The following OBI1 variants were observed in gnomAD, a reference collection of about 807,000 sequenced individuals.
OBI1 encodes ORC ubiquitin ligase 1, also known as ring finger protein 219.
Under a neutral mutation model 62.4 loss-of-function variants are expected in OBI1, and 59 were observed. That is an observed-to-expected ratio of 0.95 (90% confidence interval 0.77 to 1.17). The LOEUF (loss-of-function observed/expected upper bound fraction) is 1.17. Ranked by LOEUF, OBI1 falls within the 50% of genes most tolerant of loss-of-function variation. The pLI, the probability that OBI1 is intolerant of heterozygous loss-of-function variation, is 0.00. For synonymous variants in OBI1, 302 were observed against 292.8 expected (o/e 1.03, Z -0.32); for missense variants, 875 against 830.9 (o/e 1.05, Z -0.65).
Position 78,616,311 on chromosome 13 carries a change from C to A in OBI1, c.1450G>T (p.Glu484Ter). Residue 484 changes from glutamate (E) to a stop codon, truncating the protein, a stop_gained, in exon 6 of 6, where the codon GAG (glutamate) becomes TAG (stop). Transcript: ENST00000282003. LOFTEE classifies it high-confidence loss of function. ...ACAGAATTTGCTATCGTGTTCCCCT[C>A]TGAACTTTCAAAATCTAAGTTTTGG... is the stretch of plus-strand genomic sequence containing the variant. ...YAQNLDFESS[E>*]GNTIANSVGE... The A allele has an allele frequency of 6.2e-7, 1 of 1,614,114 alleles. No homozygotes were observed. Among genetic ancestry groups the A allele is most frequent in the Non-Finnish European group, 8.5e-7 (1 of 1,179,962 alleles).
At position 78,656,792 on chromosome 13, in the gene OBI1, A is replaced by ATTTT. The variant is rs869148028; in HGVS notation, c.72+2253_72+2256dup. Among the ~76,000 whole-genome samples the ATTTT allele has an allele frequency of 3.6e-3, 244 of 67,166 alleles. 1 individual carries two copies. Among genetic ancestry groups the ATTTT allele is most frequent in the African/African-American group, 0.014 (214 of 15,312 alleles). 44.1% of individuals were successfully genotyped at this position (67,166 alleles called of 152,430 possible). On this transcript the variant is annotated intron_variant, in intron 1 of 5. Transcript: ENST00000282003. ...ATTAATTAATTTTCTTTTATTTTTA[A>ATTTT]TTTTTTTTTTTTTTTTTTTTTTGAG...
intron 5 of OBI1, among the ~76,000 whole-genome samples, chr13:78,621,978 A>G (rs554519827): frequency 1.1e-3 from 161 of 152,360 alleles, no homozygotes; most frequent in Non-Finnish European, 2.0e-3. Flanking sequence ...TCACAAAAAA[A>G]CCACGAATTC....
At chr13:78,650,153 A>G (rs956773762) in intron 1 of OBI1, among the ~76,000 whole-genome samples, 5 of 152,228 alleles carry the variant, frequency 3.3e-5, no homozygotes, top group African/African-American at 9.6e-5. Flanking sequence ...GGAAGGAAGT[A>G]GATGAGTAGT....
At chr13:78,647,333 T>C (rs922081290) in intron 1 of OBI1, among the ~76,000 whole-genome samples, 3 of 152,242 alleles carry the variant, frequency 2.0e-5, no homozygotes, top group African/African-American at 7.2e-5. Flanking sequence ...AAAACCCTAC[T>C]GTACATTTGT....
chr13:78,634,394 A>C, intron 5 of OBI1, among the ~76,000 whole-genome samples: 1 of 151,946 alleles, frequency 6.6e-6, no homozygotes, highest in Non-Finnish European at 1.5e-5. Context: ...TCCCGGACTC[A>C]AGTGATTCTC....
intron 1 of OBI1, among the ~76,000 whole-genome samples, chr13:78,653,364 C>G (rs755596250): frequency 6.6e-6 from 1 of 152,164 alleles, no homozygotes; most frequent in African/African-American, 2.4e-5. Context: ...CAAAATCTAC[C>G]TCCACCTAGT....
In OBI1 at chr13:78,617,115, T is replaced by C; in HGVS notation, c.646A>G (p.Arg216Gly). 1.3e-6 allele frequency: 2 copies of C among 1,546,118 alleles called. No homozygotes were observed. The highest frequency in any genetic ancestry group is 1.7e-6 in the Non-Finnish European group (2 of 1,151,162). The change falls in exon 6 of 6, where the codon AGG becomes GGG. Residue 216 changes from arginine (R) to glycine (G), a missense_variant. Coordinates refer to ENST00000282003, the MANE Select transcript of OBI1 (RefSeq NM_024546.4). Reference protein sequence around the residue: ...VDNRSPQKFGRFAVAALQSKV... With the variant: ...VDNRSPQKFGGFAVAALQSKV... ...GACTGAAGAGCAGCAACTGCAAACC[T>C]TCCAAACCTACAAAGAATGGAAAGA...
rs1276167830 is a variant in OBI1, at chr13:78,616,106, T to C, written c.1655A>G (p.Lys552Arg). 14 of 1,614,060 alleles carry C rather than the reference T, an allele frequency of 8.7e-6. No homozygotes were observed. The highest frequency in any genetic ancestry group is 1.3e-5 in the African/African-American group (1 of 74,942). The change falls in exon 6 of 6, where the codon AAG (lysine) becomes AGG (arginine). Residue 552 changes from lysine to arginine, a missense_variant. Lys to Arg is a conservative substitution (Grantham distance 26). Coordinates refer to ENST00000282003, the MANE Select transcript of OBI1 (RefSeq NM_024546.4). Reference protein sequence around the residue: ...DSMMSESDNSKSPCNNGFKSL... With the variant: ...DSMMSESDNSRSPCNNGFKSL... The stretch of plus-strand genomic sequence containing the variant: ...CTTAAAACCGTTATTACAAGGGCTC[T>C]TGCTGTTGTCTGACTCTGACATCAT...
At chr13:78,638,244 G>A (rs530669842) in intron 4 of OBI1, among the ~76,000 whole-genome samples, 43 of 152,124 alleles carry the variant, frequency 2.8e-4, no homozygotes, top group Admixed American at 8.5e-4. Flanking sequence ...TCACCATGCT[G>A]TATCTCGTTC....
intron 1 of OBI1, among the ~76,000 whole-genome samples, chr13:78,652,816 C>T (rs906958480): frequency 6.6e-6 from 1 of 152,122 alleles, no homozygotes; most frequent in African/African-American, 2.4e-5. Flanking sequence ...ACTCCCTGCT[C>T]GCCTTCTGCT....
At chr13:78,625,597 G>A (rs944314445) in intron 5 of OBI1, among the ~76,000 whole-genome samples, 40 of 152,062 alleles carry the variant, frequency 2.6e-4, no homozygotes, top group African/African-American at 8.7e-4. Flanking sequence ...ATGCACTGCC[G>A]CCTCCCCAAG....
Position 78,617,020 on chromosome 13 carries a change from T to C in OBI1, c.741A>G (p.Ile247Met), listed in dbSNP as rs1227430498. The C allele has an allele frequency of 1.2e-6, 2 of 1,614,170 alleles. No homozygotes were observed. The highest frequency in any genetic ancestry group is 1.7e-6 in the Non-Finnish European group (2 of 1,179,988). ...GTGCAACTTGAGATTCTAGTTCCTC[T>C]ATATACTTATCACTTCGTTCCAGGG... is the stretch of plus-strand genomic sequence containing the variant. Reference protein sequence around the residue: ...KKALERSDKYIEELESQVAQL... With the variant: ...KKALERSDKYMEELESQVAQL... Residue 247 changes from isoleucine (I) to methionine (M), a missense_variant, in exon 6 of 6, where the codon ATA (isoleucine) becomes ATG (methionine). Coordinates refer to ENST00000282003, the MANE Select transcript of OBI1 (RefSeq NM_024546.4).
In OBI1 at chr13:78,644,921, CTAT is replaced by C; in HGVS notation, c.146_148del (p.Asn49del). ...GGGGACTCTGCAAGCTGGACACTGGCTATTATTCTTCAACCACAAATCAATACA... is the reference window on the plus strand; with the variant it reads ...GGGGACTCTGCAAGCTGGACACTGGCTATTCTTCAACCACAAATCAATACA... On this transcript the variant is annotated inframe_deletion, in exon 2 of 6. Transcript: ENST00000282003. The C allele has an allele frequency of 6.2e-7, 1 of 1,613,888 alleles. No individual in the cohort carries two copies. The highest frequency in any genetic ancestry group is 8.5e-7 in the Non-Finnish European group (1 of 1,179,896).
intron 5 of OBI1, among the ~76,000 whole-genome samples, chr13:78,622,315 G>A (rs1352898399): frequency 1.3e-5 from 2 of 152,124 alleles, no homozygotes; most frequent in African/African-American, 2.4e-5. Context: ...AGAAGCATGC[G>A]CCTGTAGTCC....
chr13:78,614,887 T>C lies in OBI1; in HGVS notation c.*693A>G, dbSNP rs953528722. ...ACCTAACATAAAACAAATGTCTTCA[T>C]ATAGAAAATGTTTTCTTTCATACTA... is the stretch of plus-strand genomic sequence containing the variant. On this transcript the variant is annotated 3_prime_UTR_variant, in exon 6 of 6. Coordinates refer to ENST00000282003, the MANE Select transcript of OBI1 (RefSeq NM_024546.4). 1 of 152,216 alleles carries C rather than the reference T, an allele frequency of 6.6e-6. No individual in the cohort carries two copies. The highest frequency in any genetic ancestry group is 2.4e-5 in the African/African-American group (1 of 41,460). The allele number at this position is 152,216 out of a possible 1,614,324, so 9.4% of individuals were successfully genotyped here.
intron 1 of OBI1, among the ~76,000 whole-genome samples, chr13:78,648,671 T>G (rs375664570): frequency 6.6e-6 from 1 of 152,160 alleles, no homozygotes; most frequent in South Asian, 2.1e-4. Context: ...TCCAGCACTT[T>G]GGGAGGCCGA....
intron 5 of OBI1, among the ~76,000 whole-genome samples, chr13:78,630,559 T>C (rs908838298): frequency 3.9e-5 from 6 of 152,138 alleles, no homozygotes; most frequent in Non-Finnish European, 7.3e-5. Context: ...GGTGATGGTA[T>C]AATATTTAAA....
At chr13:78,630,622 G>A (rs762891759) in intron 5 of OBI1, among the ~76,000 whole-genome samples, 5 of 152,038 alleles carry the variant, frequency 3.3e-5, no homozygotes, top group Non-Finnish European at 7.4e-5. Flanking sequence ...TCATAAGTGA[G>A]ATTAATGCCC....
chr13:78,646,705 A>G (rs985928920), intron 1 of OBI1, among the ~76,000 whole-genome samples: 7 of 152,110 alleles, frequency 4.6e-5, no homozygotes, highest in African/African-American at 1.7e-4. Flanking sequence ...TGCTTGTGCT[A>G]CTCTATGTCT....
Sources: allele counts gnomAD v4.1 joint callset (sites outside exome capture counted in the v4.1 genomes callset), GRCh38; gene constraint gnomAD v4.1.1; transcripts MANE v1.5; gene names NCBI Gene and HGNC (gene_info 2026-07-23, HGNC 2026-07-21).